SLC22A23: variants seen among roughly 807,000 people sequenced by gnomAD.
The protein encoded by SLC22A23 is solute carrier family 22 member 23, also known as ion transporter protein.
A neutral mutation model predicts 61.0 loss-of-function variants in SLC22A23; 26 were observed. The observed-to-expected ratio is 0.43, with a 90% CI of 0.31 to 0.59. The LOEUF (loss-of-function observed/expected upper bound fraction) is 0.59, where lower values mean the gene tolerates loss of function less well. Among genes scored for constraint, SLC22A23 ranks in the 20% least tolerant of loss-of-function variants. SLC22A23 has a pLI of 0.11. For missense variants in SLC22A23, 796 were observed against 934.7 expected, an observed-to-expected ratio of 0.85 and a Z score of 1.94; for synonymous variants, 430 against 413.9, an observed-to-expected ratio of 1.04 and a Z score of -0.47.
intron 3 of SLC22A23, among the ~76,000 whole-genome samples, chr6:3,364,668 G>C (rs1465019878): frequency 6.6e-6 from 1 of 152,188 alleles, no homozygotes; most frequent in Non-Finnish European, 1.5e-5. Context: ...CAGCTGGAGG[G>C]AGCAGTTCGC....
At chr6:3,295,707 C>G (rs1315190001) in intron 5 of SLC22A23, among the ~76,000 whole-genome samples, 1 of 152,178 alleles carries the variant, frequency 6.6e-6, no homozygotes, top group Non-Finnish European at 1.5e-5. Context: ...GATGTAGCAA[C>G]TGAAAGACAC....
intron 3 of SLC22A23, among the ~76,000 whole-genome samples, chr6:3,352,409 A>C (rs371206153): frequency 6.6e-6 from 1 of 152,000 alleles, no homozygotes; most frequent in Admixed American, 6.6e-5. Flanking sequence ...ACAGCCACAG[A>C]AGCTCACCGG....
chr6:3,302,581 G>A (rs781203688), intron 4 of SLC22A23, among the ~76,000 whole-genome samples: 38 of 152,130 alleles, frequency 2.5e-4, no homozygotes, highest in Admixed American at 8.5e-4. Context: ...CTATAAACTT[G>A]CCTGTTAATA....
At chr6:3,445,886 T>C (rs1771872126) in intron 1 of SLC22A23, among the ~76,000 whole-genome samples, 1 of 152,050 alleles carries the variant, frequency 6.6e-6, no homozygotes, top group East Asian at 1.9e-4. Flanking sequence ...TGATGGGTGC[T>C]GCAGTGATGG....
At chr6:3,347,633 T>C (rs1209007189) in intron 3 of SLC22A23, among the ~76,000 whole-genome samples, 1 of 152,138 alleles carries the variant, frequency 6.6e-6, no homozygotes, top group African/African-American at 2.4e-5. Flanking sequence ...GGCTACCTCC[T>C]GGTTCTTCTC....
At chr6:3,452,362 G>A (rs1772191334) in intron 1 of SLC22A23, among the ~76,000 whole-genome samples, 1 of 152,084 alleles carries the variant, frequency 6.6e-6, no homozygotes, top group Admixed American at 6.5e-5. Context: ...GGAGGCCGAG[G>A]CAGAAGGACA....
chr6:3,402,924 T>A (rs1434284285), intron 3 of SLC22A23, among the ~76,000 whole-genome samples: 2 of 152,248 alleles, frequency 1.3e-5, no homozygotes, highest in Admixed American at 1.3e-4. Flanking sequence ...AGGAGAAAAT[T>A]GTGCTTCCGG....
At position 3,360,842 on chromosome 6, in the gene SLC22A23, G is replaced by A. The variant is rs944388647; in HGVS notation, c.914-36840C>T. 6.6e-6 allele frequency among the ~76,000 whole-genome samples: 1 copy of A among 152,226 alleles called. No individual in the cohort carries two copies. The highest frequency in any genetic ancestry group is 1.5e-5 in the Non-Finnish European group (1 of 68,042). On this transcript the variant is annotated intron_variant, in intron 3 of 9. Transcript: ENST00000406686. The surrounding 1 kb of genome is among the most constrained non-coding windows in gnomAD (Gnocchi z 4.6). ...CACAGCTGGCGTGGTCATCCAGGGC[G>A]GGAACGGGATTGGACGAAGCCTTCC...
chr6:3,338,485 C>G (rs1280352987), intron 3 of SLC22A23, among the ~76,000 whole-genome samples: 2 of 152,216 alleles, frequency 1.3e-5, no homozygotes, highest in Non-Finnish European at 2.9e-5. Flanking sequence ...TGCCGCCATG[C>G]CCAGCTAATT....
At chr6:3,377,349 T>C (rs1281898493) in intron 3 of SLC22A23, among the ~76,000 whole-genome samples, 3 of 151,862 alleles carry the variant, frequency 2.0e-5, no homozygotes, top group Non-Finnish European at 4.4e-5. Flanking sequence ...TGATTACTGA[T>C]GGAATGATGG....
At chr6:3,362,653 C>T (rs1159374082) in intron 3 of SLC22A23, among the ~76,000 whole-genome samples, 1 of 151,998 alleles carries the variant, frequency 6.6e-6, no homozygotes, top group South Asian at 2.1e-4. Context: ...CCAGGCAGAA[C>T]CCCCAAGATG....
At chr6:3,343,882 A>G (rs1473360175) in intron 3 of SLC22A23, among the ~76,000 whole-genome samples, 1 of 152,270 alleles carries the variant, frequency 6.6e-6, no homozygotes, top group Non-Finnish European at 1.5e-5. Flanking sequence ...AGGATGGCAG[A>G]AGAAGGAACT....
intron 3 of SLC22A23, among the ~76,000 whole-genome samples, chr6:3,366,036 A>G (rs967181042): frequency 6.6e-6 from 1 of 152,140 alleles, no homozygotes; most frequent in Non-Finnish European, 1.5e-5. Context: ...CAGCATCAGA[A>G]AGAGAAGGGT....
At position 3,318,927 on chromosome 6, in the gene SLC22A23, G is replaced by C. The variant is rs1251548382; in HGVS notation, c.1082+4907C>G. 6.6e-6 allele frequency among the ~76,000 whole-genome samples: 1 copy of C among 152,136 alleles called. No homozygotes were observed. The highest frequency in any genetic ancestry group is 1.5e-5 in the Non-Finnish European group (1 of 68,010). ...TCAGATCCATCAGCAAGTCTCACCA[G>C]GGCCACTCTCAAAGCATCTCTCGAA... On this transcript the variant is annotated intron_variant, in intron 4 of 9. Transcript: ENST00000406686. The surrounding 1 kb of genome is among the most constrained non-coding windows in gnomAD (Gnocchi z 4.3).
Position 3,456,284 on chromosome 6 carries a change from G to A in SLC22A23, c.276C>T (p.Gly92=), listed in dbSNP as rs1330372120. 1.3e-6 allele frequency: 2 copies of A among 1,551,210 alleles called. No individual in the cohort carries two copies. Among genetic ancestry groups the A allele is most frequent in the Admixed American group, 3.9e-5 (2 of 51,002 alleles). Residue 92 remains glycine (G), a synonymous_variant, in exon 1 of 10, where the codon GGC becomes GGT. Coordinates refer to ENST00000406686, the MANE Select transcript of SLC22A23 (RefSeq NM_015482.2). The surrounding 1 kb of genome is among the most constrained non-coding windows in gnomAD (Gnocchi z 7.1). ...GCACGAGGGTCTTCTGATAGCCCCC[G>A]CCCAGGCCCCCGAGGAAGGGCAGCA... The part of the protein sequence containing the change: ...GSVLPFLGGL[G]GGYQKTLVLL...
intron 3 of SLC22A23, among the ~76,000 whole-genome samples, chr6:3,345,758 C>A (rs1452248105): frequency 6.6e-6 from 1 of 152,154 alleles, no homozygotes; most frequent in Non-Finnish European, 1.5e-5. Context: ...TTGAGATGGT[C>A]AAATGCTTGT....
rs1561638495 is a variant in SLC22A23, at chr6:3,456,347, C to G, written c.213G>C (p.Ala71=). The part of the protein sequence containing the change: ...GPHPSCCSAA[A]APSLLLLDYD... ...AGTCCAGCAACAAGAGGCTCGGGGC[C>G]GCAGCCGCGGAGCAGCAGCTCGGGT... The change falls in exon 1 of 10, where the codon GCG becomes GCC. Residue 71 remains alanine (A), a synonymous_variant. Coordinates refer to ENST00000406686, the MANE Select transcript of SLC22A23 (RefSeq NM_015482.2). The surrounding 1 kb of genome is among the most constrained non-coding windows in gnomAD (Gnocchi z 7.1). 1 of 1,548,388 alleles carries G rather than the reference C, an allele frequency of 6.5e-7. No individual in the cohort carries two copies.
chr6:3,415,945 G>A (rs1769666815), intron 1 of SLC22A23, 90 bp from the exon 2 acceptor site: 1 of 911,332 alleles, frequency 1.1e-6, no homozygotes, highest in South Asian at 1.6e-5. Flanking sequence ...TAACCCTGCA[G>A]GGACCACCGC....
At chr6:3,442,312 G>A (rs1250193193) in intron 1 of SLC22A23, among the ~76,000 whole-genome samples, 1 of 152,182 alleles carries the variant, frequency 6.6e-6, no homozygotes, top group African/African-American at 2.4e-5. Flanking sequence ...TTGGGAAGAT[G>A]GAATTGTTCT....
Sources: gnomAD v4.1 joint callset for allele counts (sites outside exome capture counted in the v4.1 genomes callset) on GRCh38, gnomAD v4.1.1 for gene constraint, Gnocchi (gnomAD v3.1) non-coding constraint, MANE v1.5 for transcripts, NCBI Gene and HGNC (gene_info 2026-07-23, HGNC 2026-07-21) for gene names.